NT5C: variants seen among roughly 807,000 people sequenced by gnomAD.
NT5C encodes the protein 5'(3')-deoxyribonucleotidase, cytosolic type.
NT5C carries 14 observed loss-of-function variants against 17.6 expected under a neutral mutation model. That is an observed-to-expected ratio of 0.79 (90% CI 0.52 to 1.24). NT5C has a LOEUF of 1.24. Ranked by LOEUF, NT5C falls within the 50% of genes most tolerant of loss-of-function variation. The probability of loss-of-function intolerance (pLI) is 0.00; values close to 1 mark genes in which losing one functional copy is unlikely to be tolerated. For synonymous variants in NT5C, 153 were observed against 119.2 expected (o/e 1.28, Z -1.85); for missense variants, 328 against 278.3 (o/e 1.18, Z -1.27).
intron 4 of NT5C, 21 bp from the exon 5 acceptor site, chr17:75,130,663 G>T: frequency 6.2e-7 from 1 of 1,614,018 alleles, no homozygotes; most frequent in Non-Finnish European, 8.5e-7. Flanking sequence ...GAAAGACAGC[G>T]CGCTGCCATC....
chr17:75,130,405 G>A lies in NT5C; in HGVS notation c.*83C>T, dbSNP rs929155966. ...TCCACGGGGCCAGAGGCACCAGCAC[G>A]ATGCCGCCCCGACTCGGCTCTGCGG... is the stretch of plus-strand genomic sequence containing the variant. On this transcript the variant is annotated 3_prime_UTR_variant, in exon 5 of 5. Transcript: ENST00000245552. 4.6e-6 allele frequency: 7 copies of A among 1,534,834 alleles called. No individual in the cohort carries two copies. The Admixed American group carries it at 1.2e-4, about 27-fold the overall frequency.
rs1373612273 is a variant in NT5C, at chr17:75,130,331, G to A, written c.*157C>T. 4.4e-6 allele frequency: 4 copies of A among 901,166 alleles called. No homozygotes were observed. Among genetic ancestry groups the A allele is most frequent in the African/African-American group, 3.3e-5 (2 of 59,954 alleles). 55.8% of individuals were successfully genotyped at this position (901,166 alleles called of 1,614,324 possible). On this transcript the variant is annotated 3_prime_UTR_variant, in exon 5 of 5. Transcript: ENST00000245552. ...GCCTCTCGGGAGGTACCGGGTGGCT[G>A]GGCCTGGGGCCCGGTAGCACAGCGC... is the stretch of plus-strand genomic sequence containing the variant.
At position 75,130,507 on chromosome 17, in the gene NT5C, C is replaced by A. The variant is rs748344044; in HGVS notation, c.587G>T (p.Gly196Val). 1 of 1,613,974 alleles carries A rather than the reference C, an allele frequency of 6.2e-7. No individual in the cohort carries two copies. Among genetic ancestry groups the A allele is most frequent in the African/African-American group, 1.3e-5 (1 of 74,956 alleles). The stretch of plus-strand genomic sequence containing the variant: ...CCCCGCTCATTCCCGCTGCGCAGCT[C>A]CGCGCTTGCTATCTAAGATCTCCCT... ...NWREILDSKR[G>V]AAQRE The change falls in exon 5 of 5, where the codon GGA (glycine) becomes GTA (valine). Residue 196 changes from glycine to valine, a missense_variant. Gly to Val is a moderately radical substitution (Grantham distance 109, BLOSUM62 -3). Transcript: ENST00000245552.
At chr17:75,131,489 C>A in intron 1 of NT5C, 45 bp downstream of exon 1, 1 of 1,432,316 alleles carries the variant, frequency 7.0e-7, no homozygotes, top group Non-Finnish European at 9.1e-7. Context: ...ACCCCCGGAA[C>A]GGAGCGAGCG....
At chr17:75,131,142 A>AGCCCGCC (rs2074115328) in intron 2 of NT5C, 37 bp from the exon 3 acceptor site, 2 of 1,612,280 alleles carry the variant, frequency 1.2e-6, no homozygotes, top group African/African-American at 2.7e-5. Flanking sequence ...GGGAGCCAGG[A>AGCCCGCC]GCCCGCCCAG....
rs1403744871 is a variant in NT5C at position 75,130,788 on chromosome 17, C to T, written c.416G>A (p.Gly139Glu). Residue 139 changes from glycine (G) to glutamate (E), a missense_variant, in exon 4 of 5, where the codon GGG becomes GAG. Physicochemically the swap from Gly to Glu is moderately conservative, Grantham distance 98. Transcript: ENST00000245552. Reference protein sequence around the residue: ...ILTRDKTVVLGDLLIDDKDTV... With the variant: ...ILTRDKTVVLEDLLIDDKDTV... ...GTCCTTGTCATCAATGAGCAGGTCC[C>T]CCAAGACCACCGTCTTGTCCCTTGT... 1.2e-6 allele frequency: 2 copies of T among 1,614,132 alleles called. No homozygotes were observed. The highest frequency in any genetic ancestry group is 8.5e-7 in the Non-Finnish European group (1 of 1,180,018).
chr17:75,130,527 C>G lies in NT5C; in HGVS notation c.567G>C (p.Glu189Asp), dbSNP rs1298281122. 13 of 1,614,098 alleles carry G rather than the reference C, an allele frequency of 8.1e-6. No homozygotes were observed. Among genetic ancestry groups the G allele is most frequent in the Non-Finnish European group, 1.1e-5 (13 of 1,180,036 alleles). ...RLLSWSDNWREILDSKRGAAQ... is the reference protein window; with the variant it reads ...RLLSWSDNWRDILDSKRGAAQ... Reference sequence around the variant, plus strand: ...CAGCTCCGCGCTTGCTATCTAAGATCTCCCTCCAGTTGTCACTCCAGGAGA... The same window carrying G: ...CAGCTCCGCGCTTGCTATCTAAGATGTCCCTCCAGTTGTCACTCCAGGAGA... Residue 189 changes from glutamate (E) to aspartate (D), a missense_variant, in exon 5 of 5, where the codon GAG becomes GAC. Glu to Asp is a conservative substitution (Grantham distance 45). Coordinates refer to ENST00000245552, the MANE Select transcript of NT5C (RefSeq NM_014595.3).
rs745545509 is a variant in NT5C at position 75,130,643 on chromosome 17, C to G, written c.452-1G>C. 3.4e-6 allele frequency: 5 copies of G among 1,481,740 alleles called. No homozygotes were observed. In the Admixed American group the frequency reaches 6.6e-5, roughly 19 times the overall value. The allele number at this position is 1,481,740 out of a possible 1,614,324, so 91.8% of individuals were successfully genotyped here. ...TCCCAGCTTGGGGTCTCCTCCTGGC[C>G]TAGGACAGTGAAAGACAGCGCGCTG... On this transcript the variant is annotated splice_acceptor_variant, in intron 4 of 4. Coordinates refer to ENST00000245552, the MANE Select transcript of NT5C (RefSeq NM_014595.3). LOFTEE classifies it high-confidence loss of function.
rs2074096092 is a variant in NT5C at position 75,130,345 on chromosome 17, G to A, written c.*143C>T. ...ACCGGGTGGCTGGGCCTGGGGCCCG[G>A]TAGCACAGCGCTTAACGGTATCTGC... On this transcript the variant is annotated 3_prime_UTR_variant, in exon 5 of 5. Transcript: ENST00000245552. 1 of 1,079,488 alleles carries A rather than the reference G, an allele frequency of 9.3e-7. No homozygotes were observed. The allele number at this position is 1,079,488 out of a possible 1,614,324, so 66.9% of individuals were successfully genotyped here. A position where few individuals can be genotyped will look rare whatever the true frequency, so the allele number is the denominator to read the frequency against.
chr17:75,131,460 C>T (rs1598177775), intron 1 of NT5C, 74 bp downstream of exon 1: 2 of 1,426,010 alleles, frequency 1.4e-6, no homozygotes, highest in East Asian at 2.5e-5. Flanking sequence ...GCTCTGCGCC[C>T]TTCACAGAGA....
intron 2 of NT5C, 37 bp downstream of exon 2, chr17:75,131,144 C>T (rs2074115429): frequency 2.5e-6 from 4 of 1,612,334 alleles, no homozygotes; most frequent in South Asian, 2.2e-5. Context: ...GAGCCAGGAG[C>T]CCGCCCAGGA....
Position 75,130,586 on chromosome 17 carries a change from G to A in NT5C, c.508C>T (p.His170Tyr). 2 of 1,614,232 alleles carry A rather than the reference G, an allele frequency of 1.2e-6. No homozygotes were observed. Among genetic ancestry groups the A allele is most frequent in the Non-Finnish European group, 1.7e-6 (2 of 1,180,050 alleles). ...HILFTCCHNR[H>Y]LVLPPTRRRL... ...CTCCTTGTCGGGGGCAGGACCAGGT[G>A]CCGATTGTGGCAGCAGGTGAACAAG... Residue 170 changes from histidine (H) to tyrosine (Y), a missense_variant, in exon 5 of 5, where the codon CAC (histidine) becomes TAC (tyrosine). Transcript: ENST00000245552.
At chr17:75,130,911 G>A (rs777173269) in intron 3 of NT5C, 44 bp from the exon 4 acceptor site, 2 of 1,613,044 alleles carry the variant, frequency 1.2e-6, no homozygotes, top group African/African-American at 1.3e-5. Context: ...GATGGAAGCC[G>A]GAATTCAGGG....
At position 75,130,301 on chromosome 17, in the gene NT5C, G is replaced by C; in HGVS notation, c.*187C>G. 1 of 654,476 alleles carries C rather than the reference G, an allele frequency of 1.5e-6. No homozygotes were observed. Among genetic ancestry groups the C allele is most frequent in the South Asian group, 1.9e-5 (1 of 53,686 alleles). 40.5% of individuals were successfully genotyped at this position (654,476 alleles called of 1,614,324 possible). ...TATTTCCATGCCAGCCAGGGTCCAG[G>C]GACAGCCTCTCGGGAGGTACCGGGT... is the stretch of plus-strand genomic sequence containing the variant. On this transcript the variant is annotated 3_prime_UTR_variant, in exon 5 of 5. Transcript: ENST00000245552.
chr17:75,131,554 C>A lies in NT5C; in HGVS notation c.154G>T (p.Ala52Ser). Residue 52 changes from alanine to serine, a missense_variant, in exon 1 of 5, where the codon GCC becomes TCC. Ala to Ser is a moderately conservative substitution (Grantham distance 99, BLOSUM62 1). Transcript: ENST00000245552. ...RGFLAREQYRALRPDLADKVA... is the reference protein window; with the variant it reads ...RGFLAREQYRSLRPDLADKVA... ...CCTACCGCCAGGTCGGGCCGCAGGG[C>A]GCGGTACTGCTCGCGGGCCAGGAAG... 1 of 1,411,520 alleles carries A rather than the reference C, an allele frequency of 7.1e-7. No individual in the cohort carries two copies. The highest frequency in any genetic ancestry group is 9.1e-7 in the Non-Finnish European group (1 of 1,093,342). 87.4% of individuals were successfully genotyped at this position (1,411,520 alleles called of 1,614,324 possible).
chr17:75,131,573 C>A lies in NT5C; in HGVS notation c.135G>T (p.Leu45=). The A allele has an allele frequency of 7.2e-7, 1 of 1,392,546 alleles. No individual in the cohort carries two copies. The highest frequency in any genetic ancestry group is 1.6e-5 in the South Asian group (1 of 62,474). 86.3% of individuals were successfully genotyped at this position (1,392,546 alleles called of 1,614,324 possible). ...HVPLEQRRGF[L]AREQYRALRP... ...GCAGGGCGCGGTACTGCTCGCGGGC[C>A]AGGAAGCCGCGGCGTTGCTCCAGCG... is the stretch of plus-strand genomic sequence containing the variant. The change falls in exon 1 of 5, where the codon CTG becomes CTT. Residue 45 remains leucine (L), a synonymous_variant. Coordinates refer to ENST00000245552, the MANE Select transcript of NT5C (RefSeq NM_014595.3).
Position 75,130,667 on chromosome 17 carries a change from T to C in NT5C, c.452-25A>G, listed in dbSNP as rs776576761. On this transcript the variant is annotated intron_variant, in intron 4 of 4. Transcript: ENST00000245552. ...CCTAGGACAGTGAAAGACAGCGCGCTGCCATCTGTCATGGGTATTATTACT... is the reference window on the plus strand; with the variant it reads ...CCTAGGACAGTGAAAGACAGCGCGCCGCCATCTGTCATGGGTATTATTACT... The C allele has an allele frequency of 3.7e-6, 6 of 1,613,962 alleles. No homozygotes were observed. The South Asian group carries it at 6.6e-5, about 18-fold the overall frequency.
Position 75,131,567 on chromosome 17 carries a change from GC to G in NT5C, c.140del (p.Arg47ProfsTer41). 7.2e-7 allele frequency: 1 copy of G among 1,395,668 alleles called. No homozygotes were observed. Among genetic ancestry groups the G allele is most frequent in the Non-Finnish European group, 9.2e-7 (1 of 1,083,610 alleles). 86.5% of individuals were successfully genotyped at this position (1,395,668 alleles called of 1,614,324 possible). A position where few individuals can be genotyped will look rare whatever the true frequency, so the allele number is the denominator to read the frequency against. On this transcript the variant is annotated frameshift_variant, in exon 1 of 5. Coordinates refer to ENST00000245552, the MANE Select transcript of NT5C (RefSeq NM_014595.3). LOFTEE classifies it high-confidence loss of function. Reference protein sequence around the residue: ...PLEQRRGFLAREQYRALRPDL... With the variant: ...PLEQRRGFLAXEQYRALRPDL... ...CGGGCCGCAGGGCGCGGTACTGCTC[GC>G]GGGCCAGGAAGCCGCGGCGTTGCTC...
At chr17:75,131,725 TGCGAGCTCTCGGGGTCTGGGGGGC>T in exon 1 of NT5C, 1 of 1,269,098 alleles carries the variant, frequency 7.9e-7, no homozygotes, top group Non-Finnish European at 9.9e-7. Context: ...GGGCCGGAGC[TGCGAGCTCTCGGGGTCTGGGGGGC>T]GCGGGCTCGG....
Sources: gnomAD v4.1 joint callset for allele counts on GRCh38, gnomAD v4.1.1 for gene constraint, MANE v1.5 for transcripts, NCBI Gene and HGNC (gene_info 2026-07-23, HGNC 2026-07-21) for gene names.